The following ZNF600 variants were observed in gnomAD, a reference collection of about 807,000 sequenced individuals.
The protein encoded by ZNF600 is zinc finger protein 600.
In ZNF600, 4 loss-of-function variants were observed where a neutral mutation model predicts 7.3. The observed-to-expected ratio is 0.55, with a 90% confidence interval of 0.27 to 1.25. ZNF600 has a LOEUF of 1.25. Ranked by LOEUF, ZNF600 falls within the 50% of genes most tolerant of loss-of-function variation. ZNF600 has a pLI of 0.12. For missense variants in ZNF600, 911 were observed against 922.1 expected, an observed-to-expected ratio of 0.99 and a Z score of 0.16; for synonymous variants, 290 against 308.9, an observed-to-expected ratio of 0.94 and a Z score of 0.64.
At chr19:52,798,749 C>G in the ZNF600 span, 1 of 570,804 alleles carries the variant, frequency 1.8e-6, no homozygotes, top group Non-Finnish European at 3.2e-6. Flanking sequence ...TCTGAAAAAT[C>G]TGTCACATTT....
At chr19:52,791,553 G>A (rs1036756609), upstream of ZNF600, among the ~76,000 whole-genome samples, 1 of 151,464 alleles carries the variant, frequency 6.6e-6, no homozygotes, top group African/African-American at 2.4e-5. Flanking sequence ...GCTTCCTCAT[G>A]CAACATGAGT....
the ZNF600 span, chr19:52,808,094 G>A: frequency 2.8e-4 from 452 of 1,613,412 alleles, 1 homozygote; most frequent in East Asian, 2.7e-3. Context: ...CACTCCTCCT[G>A]AGAGAATTCT....
intron 3 of ZNF600, 31 bp from the exon 6 acceptor site, chr19:52,767,803 A>G (rs2062601240): frequency 5.9e-6 from 9 of 1,527,316 alleles, no homozygotes; most frequent in Non-Finnish European, 7.0e-6. Flanking sequence ...TAGGTTTCCA[A>G]TTAAGTACAG....
At chr19:52,808,049 T>C in the ZNF600 span, 4 of 1,613,516 alleles carry the variant, frequency 2.5e-6, no homozygotes, top group African/African-American at 1.3e-5. Context: ...ATCACATCCC[T>C]GTAAAGAGTC....
chr19:52,833,086 T>C, the ZNF600 span, among the ~76,000 whole-genome samples: 28 of 152,192 alleles, frequency 1.8e-4, no homozygotes, highest in Non-Finnish European at 1.0e-4. Context: ...TCCTGTCTAC[T>C]AGTGTGCCTT....
the ZNF600 span, among the ~76,000 whole-genome samples, chr19:52,796,614 G>A: frequency 6.6e-6 from 1 of 152,068 alleles, no homozygotes; most frequent in Non-Finnish European, 1.5e-5. Context: ...CAGCAGACAT[G>A]TGCCACCATG....
At chr19:52,765,122 ACT>A (rs1270889042) in exon 4 of ZNF600, 29 of 397,444 alleles carry the variant, frequency 7.3e-5, no homozygotes, top group Admixed American at 2.8e-4. Flanking sequence ...TGCTGGACTG[ACT>A]CTAGTGTCAA....
At chr19:52,780,926 T>C (rs1443029267) in intron 1 of ZNF600, 1 of 152,208 alleles carries the variant, frequency 6.6e-6, no homozygotes, top group Non-Finnish European at 1.5e-5. Flanking sequence ...ATGTGCAGAC[T>C]GCAAGGAAAT....
At chr19:52,797,531 T>C in the ZNF600 span, 14 of 152,214 alleles carry the variant, frequency 9.2e-5, no homozygotes, top group African/African-American at 2.9e-4. Flanking sequence ...AATAGAATAA[T>C]AGCACCAAAA....
the ZNF600 span, among the ~76,000 whole-genome samples, chr19:52,792,303 A>G: frequency 6.6e-6 from 1 of 152,170 alleles, no homozygotes; most frequent in Non-Finnish European, 1.5e-5. Context: ...CCAAATCACT[A>G]AGCAAAAAGG....
At chr19:52,820,026 A>C in the ZNF600 span, among the ~76,000 whole-genome samples, 5 of 145,176 alleles carry the variant, frequency 3.4e-5, no homozygotes, top group African/African-American at 5.4e-5. Context: ...GTTTGAGACC[A>C]ACCTGGCCAA....
chr19:52,816,562 G>C, the ZNF600 span, among the ~76,000 whole-genome samples: 9 of 145,328 alleles, frequency 6.2e-5, 2 homozygotes, highest in African/African-American at 2.4e-4. Context: ...TACTTGGGAG[G>C]CTGAGGCAGG....
exon 1 of ZNF600, chr19:52,786,741 A>G (rs994012134): frequency 1.8e-5 from 7 of 379,966 alleles, no homozygotes; most frequent in African/African-American, 1.5e-4. Flanking sequence ...GCGCCGTGGT[A>G]GGACCTTCAC....
At chr19:52,817,816 A>C in the ZNF600 span, 11 of 1,553,350 alleles carry the variant, frequency 7.1e-6, no homozygotes, top group Non-Finnish European at 8.8e-6. Context: ...GAACTGAAGG[A>C]AGGCATGGGT....
chr19:52,803,089 T>C, the ZNF600 span, among the ~76,000 whole-genome samples: 3 of 151,908 alleles, frequency 2.0e-5, no homozygotes, highest in African/African-American at 7.3e-5. Flanking sequence ...TATGTATTTT[T>C]ATTTTTTTGA....
At chr19:52,832,090 G>GTTACACGCGTGGTGGTGCACACCTC in the ZNF600 span, among the ~76,000 whole-genome samples, 3 of 151,832 alleles carry the variant, frequency 2.0e-5, 1 homozygote, top group Admixed American at 2.0e-4. Flanking sequence ...ACATCACAGT[G>GTTACACGCGTGGTGGTGCACACCTC]TAATCCCAGC....
At chr19:52,766,757 C>T in exon 4 of ZNF600, 3 of 1,613,616 alleles carry the variant, frequency 1.9e-6, no homozygotes, top group Non-Finnish European at 2.5e-6. Context: ...TGTCACAAAC[C>T]TTACATTTGT....
the ZNF600 span, chr19:52,799,706 A>G: frequency 6.3e-7 from 1 of 1,590,932 alleles, no homozygotes; most frequent in Non-Finnish European, 8.6e-7. Context: ...TCTCTCCACT[A>G]TGAAGTCTAT....
chr19:52,799,268 G>A, the ZNF600 span: 2 of 400,216 alleles, frequency 5.0e-6, no homozygotes, highest in Non-Finnish European at 9.5e-6. Flanking sequence ...CATCACATTT[G>A]TAAGGTTTCT....
Sources: allele counts gnomAD v4.1 joint callset (sites outside exome capture counted in the v4.1 genomes callset), GRCh38; gene constraint gnomAD v4.1.1; transcripts MANE v1.5; gene names NCBI Gene and HGNC (gene_info 2026-07-23, HGNC 2026-07-21).